ANKFN1: variants seen among roughly 807,000 people sequenced by gnomAD.
ANKFN1 encodes the protein ankyrin repeat and fibronectin type III domain containing 1, also known as ankyrin repeat and fibronectin type-III domain-containing protein 1.
ANKFN1 carries 74 observed loss-of-function variants against 108.7 expected under a neutral mutation model. The ratio of observed to expected loss-of-function variants is 0.68; its 90% CI spans 0.56 to 0.83. The LOEUF (loss-of-function observed/expected upper bound fraction) is 0.83, where lower values mean the gene tolerates loss of function less well. Ranked by LOEUF, ANKFN1 falls within the 40% of genes least tolerant of loss-of-function variation. ANKFN1 has a pLI of 0.00. For missense variants in ANKFN1, 1,505 were observed against 1,382.3 expected, an observed-to-expected ratio of 1.09 and a Z score of -1.41; for synonymous variants, 547 against 516.2, an observed-to-expected ratio of 1.06 and a Z score of -0.81.
intron 4 of ANKFN1, among the ~76,000 whole-genome samples, chr17:56,332,110 A>G (rs759107): frequency 0.66 from 100,596 of 151,994 alleles, 34,179 homozygotes; most frequent in East Asian, 0.96. Context: ...AGCCACAAGC[A>G]AAGCGAAGGC....
intron 4 of ANKFN1, among the ~76,000 whole-genome samples, chr17:56,065,000 T>C (rs914458588): frequency 6.6e-6 from 1 of 152,216 alleles, no homozygotes; most frequent in Non-Finnish European, 1.5e-5. Context: ...GGTGGGTCAC[T>C]GCACCATACT....
chr17:56,185,311 G>A (rs1912083648), intron 1 of ANKFN1, among the ~76,000 whole-genome samples: 1 of 152,126 alleles, frequency 6.6e-6, no homozygotes. Context: ...AATTTTTGCT[G>A]AATTTACTGG....
At chr17:56,097,711 C>T (rs889801347) in intron 4 of ANKFN1, among the ~76,000 whole-genome samples, 2 of 152,168 alleles carry the variant, frequency 1.3e-5, no homozygotes, top group Admixed American at 6.5e-5. Flanking sequence ...ACATGATCTT[C>T]ACAGCTACAC....
At chr17:56,312,562 G>T (rs1262002273) in intron 3 of ANKFN1, among the ~76,000 whole-genome samples, 1 of 151,978 alleles carries the variant, frequency 6.6e-6, no homozygotes, top group Non-Finnish European at 1.5e-5. Context: ...GCCCTCCATG[G>T]TCCTCCACAG....
chr17:56,138,214 GA>G (rs773333867), intron 4 of ANKFN1, among the ~76,000 whole-genome samples: 33 of 152,246 alleles, frequency 2.2e-4, no homozygotes, highest in Non-Finnish European at 4.4e-4. Flanking sequence ...AAGATAAAAG[GA>G]AATGGGCAAC....
Position 56,492,227 on chromosome 17 carries a change from T to TTGCC in ANKFN1, c.2302_2305dup (p.Arg769LeufsTer46). The TTGCC allele has an allele frequency of 1.4e-6, 1 of 702,612 alleles. No homozygotes were observed. The highest frequency in any genetic ancestry group is 2.6e-6 in the Non-Finnish European group (1 of 384,712). 43.5% of individuals were successfully genotyped at this position (702,612 alleles called of 1,614,324 possible). A position where few individuals can be genotyped will look rare whatever the true frequency, so the allele number is the denominator to read the frequency against. ...ACAGAGAGAAATTTATTAGTCTGTA[T>TTGCC]TGCCGCCTTTCTGCTGTTGTGGAGC... On this transcript the variant is annotated frameshift_variant, in exon 19 of 21. Transcript: ENST00000682825. LOFTEE classifies it high-confidence loss of function.
At chr17:56,467,791 G>GAAA (rs11414270) in intron 15 of ANKFN1, among the ~76,000 whole-genome samples, 12 of 55,056 alleles carry the variant, frequency 2.2e-4, no homozygotes, top group African/African-American at 5.3e-4. Flanking sequence ...AAGAAAGAAA[G>GAAA]AAGAAAGAAA....
chr17:56,330,175 G>C (rs2045622174), intron 4 of ANKFN1, among the ~76,000 whole-genome samples: 1 of 150,736 alleles, frequency 6.6e-6, no homozygotes. Flanking sequence ...GGAAAGACTG[G>C]GTAATATATG....
At chr17:56,391,889 A>T (rs955229634) in intron 8 of ANKFN1, among the ~76,000 whole-genome samples, 1 of 152,148 alleles carries the variant, frequency 6.6e-6, no homozygotes, top group Non-Finnish European at 1.5e-5. Context: ...ACATACCCAT[A>T]TATAAAATAG....
At chr17:56,121,913 C>A (rs1393372679) in intron 4 of ANKFN1, among the ~76,000 whole-genome samples, 2 of 152,126 alleles carry the variant, frequency 1.3e-5, no homozygotes, top group East Asian at 1.9e-4. Flanking sequence ...GTTAGACATT[C>A]CTCAGGAAGG....
chr17:56,390,512 T>C (rs1305847166), intron 8 of ANKFN1, among the ~76,000 whole-genome samples: 1 of 152,224 alleles, frequency 6.6e-6, no homozygotes, highest in East Asian at 1.9e-4. Flanking sequence ...AACATACTTG[T>C]GCATGTGTCT....
At chr17:56,391,601 T>C (rs916549041) in intron 8 of ANKFN1, among the ~76,000 whole-genome samples, 1 of 151,962 alleles carries the variant, frequency 6.6e-6, no homozygotes, top group Non-Finnish European at 1.5e-5. Flanking sequence ...TAATTTTTTG[T>C]ATTTTTAGTA....
In ANKFN1 at chr17:56,436,434, G is replaced by A. The variant is rs551186146; in HGVS notation, c.911-3893G>A. Among the ~76,000 whole-genome samples the A allele has an allele frequency of 3.9e-5, 6 of 152,186 alleles. No individual in the cohort carries two copies. In the South Asian group the frequency reaches 6.2e-4, roughly 16 times the overall value. The stretch of plus-strand genomic sequence containing the variant: ...ACAAGTTTTGTATAGTTTTAGAACC[G>A]GCTTATACGTGATTTTCTCAGGGTT... On this transcript the variant is annotated intron_variant, in intron 8 of 20. Coordinates refer to ENST00000682825, the MANE Select transcript of ANKFN1 (RefSeq NM_001370326.1).
intron 6 of ANKFN1, among the ~76,000 whole-genome samples, chr17:56,356,496 G>A (rs1209915255): frequency 6.6e-6 from 1 of 152,016 alleles, no homozygotes; most frequent in African/African-American, 2.4e-5. Context: ...CAAAGACTAG[G>A]TACAGAAGCA....
At chr17:56,153,963 T>C (rs1908843469) in intron 1 of ANKFN1, among the ~76,000 whole-genome samples, 1 of 152,224 alleles carries the variant, frequency 6.6e-6, no homozygotes, top group South Asian at 2.1e-4. Context: ...CTTCTCTCTC[T>C]CTCACTTTTT....
chr17:56,288,865 C>G (rs1463886798), intron 3 of ANKFN1, among the ~76,000 whole-genome samples: 1 of 152,194 alleles, frequency 6.6e-6, no homozygotes, highest in Non-Finnish European at 1.5e-5. Flanking sequence ...CTCTGACCTT[C>G]TTCTCCAGCT....
chr17:56,448,025 T>G (rs1191223152), intron 10 of ANKFN1, among the ~76,000 whole-genome samples: 2 of 152,176 alleles, frequency 1.3e-5, no homozygotes, highest in African/African-American at 4.8e-5. Context: ...AGTTTCTGAA[T>G]GAAAGAGACC....
In ANKFN1 at chr17:56,208,578, A is replaced by G. The variant is rs148773398; in HGVS notation, c.-70-4020A>G. Among the ~76,000 whole-genome samples the G allele has an allele frequency of 2.7e-4, 41 of 152,292 alleles. No homozygotes were observed. The East Asian group carries it at 6.2e-3, about 23-fold the overall frequency. ...AACCTTCCATTAGAAGATTACCTGC[A>G]TGCAGTTCCTCATGATATCCGCTGA... On this transcript the variant is annotated intron_variant, in intron 1 of 20. Transcript: ENST00000682825.
intron 8 of ANKFN1, among the ~76,000 whole-genome samples, chr17:56,421,807 T>A (rs1327855003): frequency 1.3e-5 from 2 of 152,358 alleles, no homozygotes; most frequent in East Asian, 3.9e-4. Context: ...TTAGGAATCA[T>A]AATTTCACTC....
Sources: allele counts gnomAD v4.1 joint callset (sites outside exome capture counted in the v4.1 genomes callset), GRCh38; gene constraint gnomAD v4.1.1; transcripts MANE v1.5; gene names NCBI Gene and HGNC (gene_info 2026-07-23, HGNC 2026-07-21).